The following RGS7 variants were observed in gnomAD, a reference collection of about 807,000 sequenced individuals.
RGS7 encodes the protein regulator of G-protein signaling 7.
In RGS7, 27 loss-of-function variants were observed where a neutral mutation model predicts 81.1. The observed-to-expected ratio is 0.33, with a 90% confidence interval of 0.25 to 0.46. The LOEUF (loss-of-function observed/expected upper bound fraction) is 0.46, where lower values mean the gene tolerates loss of function less well. RGS7 is among the 20% of genes least tolerant of loss of function. RGS7 has a pLI of 1.00. For missense variants in RGS7, 396 were observed against 607.4 expected (o/e 0.65, Z 3.66); for synonymous variants, 208 against 207.7 (o/e 1.00, Z -0.01).
chr1:241,342,168 C>T (rs184903315), intron 2 of RGS7, among the ~76,000 whole-genome samples: 14 of 152,210 alleles, frequency 9.2e-5, no homozygotes, highest in Non-Finnish European at 1.3e-4. Flanking sequence ...ACCACCACAC[C>T]TGGTCTCTGG....
intron 10 of RGS7, among the ~76,000 whole-genome samples, chr1:240,822,356 G>A (rs1691956950): frequency 2.0e-5 from 3 of 152,146 alleles, no homozygotes; most frequent in Non-Finnish European, 4.4e-5. Flanking sequence ...AGAAAAACAG[G>A]CAGGGGATGT....
Position 241,049,552 on chromosome 1 carries a change from C to T in RGS7, c.175+49114G>A, listed in dbSNP as rs534773612. ...AGTCAGGAGAAAGGGCTTTCCCCTA[C>T]CTTTAATCACAATTGTCTGTGGACA... On this transcript the variant is annotated intron_variant, in intron 3 of 18. Coordinates refer to ENST00000440928, the MANE Select transcript of RGS7 (RefSeq NM_001364886.1). Among the ~76,000 whole-genome samples, 3 of 152,282 alleles carry T rather than the reference C, an allele frequency of 2.0e-5. No homozygotes were observed. In the South Asian group the frequency reaches 6.2e-4, roughly 32 times the overall value.
At chr1:240,975,447 C>T (rs1034623233) in intron 4 of RGS7, among the ~76,000 whole-genome samples, 4 of 151,960 alleles carry the variant, frequency 2.6e-5, no homozygotes, top group East Asian at 1.9e-4. Flanking sequence ...AAATGCATAA[C>T]GTTCCTTGAT....
chr1:240,930,026 C>A (rs1042841788), intron 6 of RGS7, among the ~76,000 whole-genome samples: 2 of 152,134 alleles, frequency 1.3e-5, no homozygotes, highest in South Asian at 2.1e-4. Context: ...ACTCAATAAA[C>A]ACTTGCAGAA....
At chr1:241,217,372 T>A (rs2074632295) in intron 2 of RGS7, among the ~76,000 whole-genome samples, 1 of 152,136 alleles carries the variant, frequency 6.6e-6, no homozygotes, top group South Asian at 2.1e-4. Flanking sequence ...AACCTGTGGT[T>A]TTTGCTGTGG....
Position 241,155,337 on chromosome 1 carries a change from A to G in RGS7, c.79-56575T>C, listed in dbSNP as rs139277184. Among the ~76,000 whole-genome samples, 439 of 152,124 alleles carry G rather than the reference A, an allele frequency of 2.9e-3. 1 individual carries two copies. The highest frequency in any genetic ancestry group is 0.01 in the African/African-American group (425 of 41,490). ...GCTGGTGAACTCCTGACCTCAAGTG[A>G]TCTCCCCTCCTCTGCCTCCCAAAGT... is the stretch of plus-strand genomic sequence containing the variant. On this transcript the variant is annotated intron_variant, in intron 2 of 18. Coordinates refer to ENST00000440928, the MANE Select transcript of RGS7 (RefSeq NM_001364886.1).
chr1:241,187,779 T>C (rs538371010), intron 2 of RGS7, among the ~76,000 whole-genome samples: 3 of 152,336 alleles, frequency 2.0e-5, no homozygotes, highest in African/African-American at 4.8e-5. Flanking sequence ...TTACTTTCTA[T>C]GGCTAGCTTC....
At chr1:241,162,222 G>GCCCCCCCCCCCCCCCCCCCCC (rs68166816) in intron 2 of RGS7, among the ~76,000 whole-genome samples, 4 of 142,026 alleles carry the variant, frequency 2.8e-5, no homozygotes, top group Non-Finnish European at 6.2e-5. Flanking sequence ...CTGGTGATCA[G>GCCCCCCCCCCCCCCCCCCCCC]CTTCCAAATA....
rs185093835 is a variant in RGS7 at position 241,065,032 on chromosome 1, G to A, written c.175+33634C>T. 2.2e-3 allele frequency among the ~76,000 whole-genome samples: 335 copies of A among 151,954 alleles called. 4 individuals carry two copies. Among genetic ancestry groups the A allele is most frequent in the Non-Finnish European group, 2.3e-3 (158 of 67,972 alleles). On this transcript the variant is annotated intron_variant, in intron 3 of 18. Transcript: ENST00000440928. ...TGCCTCATCATTGTATTTTAAATGTGGCCTCACAGAGAAACCATGGATTTT... is the reference window on the plus strand; with the variant it reads ...TGCCTCATCATTGTATTTTAAATGTAGCCTCACAGAGAAACCATGGATTTT...
chr1:240,816,555 C>A, intron 10 of RGS7, 140 bp from the exon 11 acceptor site: 2 of 633,428 alleles, frequency 3.2e-6, no homozygotes, highest in South Asian at 1.9e-5. Context: ...ATTCAAAAGG[C>A]ACTGCTAAGA....
At chr1:241,011,016 A>G (rs1260127403) in intron 3 of RGS7, among the ~76,000 whole-genome samples, 2 of 152,176 alleles carry the variant, frequency 1.3e-5, no homozygotes, top group Admixed American at 6.5e-5. Flanking sequence ...AACCAAGACT[A>G]TATGTGTTTT....
chr1:240,882,092 T>TAC (rs531488604), intron 6 of RGS7, among the ~76,000 whole-genome samples: 48 of 152,158 alleles, frequency 3.2e-4, no homozygotes, highest in African/African-American at 1.1e-3. Context: ...CTTTTGTGTT[T>TAC]TTAGTAGAGA....
intron 9 of RGS7, among the ~76,000 whole-genome samples, chr1:240,843,225 GA>G (rs1209307138): frequency 6.6e-6 from 1 of 151,828 alleles, no homozygotes; most frequent in Non-Finnish European, 1.5e-5. Context: ...AAAGAAAGAA[GA>G]AAGAAAGAAT....
At chr1:240,823,935 C>G (rs1377630483) in intron 10 of RGS7, among the ~76,000 whole-genome samples, 2 of 151,900 alleles carry the variant, frequency 1.3e-5, no homozygotes, top group African/African-American at 4.8e-5. Context: ...AGTTCCCCTT[C>G]AAACTTACTT....
At chr1:240,928,079 A>G (rs1674764208) in intron 6 of RGS7, among the ~76,000 whole-genome samples, 1 of 152,198 alleles carries the variant, frequency 6.6e-6, no homozygotes, top group Admixed American at 6.5e-5. Context: ...ACAACCCTTG[A>G]TCTTGTTGCA....
chr1:241,229,524 T>A (rs1404427496), intron 2 of RGS7, among the ~76,000 whole-genome samples: 1 of 152,224 alleles, frequency 6.6e-6, no homozygotes, highest in Non-Finnish European at 1.5e-5. Context: ...ATGAATTAGC[T>A]GAAAGCTCTC....
chr1:241,305,397 C>T (rs933411559), intron 2 of RGS7, among the ~76,000 whole-genome samples: 1 of 152,148 alleles, frequency 6.6e-6, no homozygotes, highest in Non-Finnish European at 1.5e-5. Flanking sequence ...TGCTAATAAG[C>T]ATGTCAGCTT....
chr1:241,086,552 A>G (rs1364518874), intron 3 of RGS7, among the ~76,000 whole-genome samples: 1 of 151,914 alleles, frequency 6.6e-6, no homozygotes, highest in African/African-American at 2.4e-5. Context: ...GCTCTAGACT[A>G]CAGCCACAGT....
intron 12 of RGS7, among the ~76,000 whole-genome samples, chr1:240,814,299 T>C (rs1690404203): frequency 6.6e-6 from 1 of 152,212 alleles, no homozygotes; most frequent in African/African-American, 2.4e-5. Context: ...ATCTGAAATT[T>C]GAGTTTCATT....
Sources: allele counts gnomAD v4.1 joint callset (sites outside exome capture counted in the v4.1 genomes callset), GRCh38; gene constraint gnomAD v4.1.1; transcripts MANE v1.5; gene names NCBI Gene and HGNC (gene_info 2026-07-23, HGNC 2026-07-21).